Variants in CWF19L1 observed in about 807,000 individuals in gnomAD.
CWF19L1 encodes the protein CWF19 like cell cycle control factor 1.
CWF19L1 carries 60 observed loss-of-function variants against 69.7 expected under a neutral mutation model. That is an observed-to-expected ratio of 0.86 (90% confidence interval 0.70 to 1.07). CWF19L1 has a LOEUF of 1.07. Ranked by LOEUF, CWF19L1 falls within the 50% of genes least tolerant of loss-of-function variation. The probability of loss-of-function intolerance (pLI) is 0.00; values close to 1 mark genes in which losing one functional copy is unlikely to be tolerated. For missense variants in CWF19L1, 591 were observed against 638.9 expected (o/e 0.92, Z 0.81); for synonymous variants, 209 against 222.2 (o/e 0.94, Z 0.53).
intron 5 of CWF19L1, among the ~76,000 whole-genome samples, chr10:100,255,707 G>A (rs901928327): frequency 1.3e-5 from 2 of 150,082 alleles, no homozygotes; most frequent in Admixed American, 6.7e-5. Flanking sequence ...AGGTTGTGGT[G>A]AGCAGAGATG....
At chr10:100,250,155 A>T in intron 7 of CWF19L1, 93 bp downstream of exon 7, 2 of 872,894 alleles carry the variant, frequency 2.3e-6, no homozygotes, top group Non-Finnish European at 3.9e-6. Flanking sequence ...GCAGTCAGGG[A>T]GAAGAGAAGA....
chr10:100,262,713 T>G (rs1847447730), intron 1 of CWF19L1, among the ~76,000 whole-genome samples: 1 of 152,148 alleles, frequency 6.6e-6, no homozygotes, highest in Non-Finnish European at 1.5e-5. Context: ...AAGTAGAAAA[T>G]GGCAAGAGCT....
At chr10:100,248,868 G>T in intron 7 of CWF19L1, 1 of 1,092,056 alleles carries the variant, frequency 9.2e-7, no homozygotes, top group Non-Finnish European at 1.4e-6. Context: ...AAAAGGCTGA[G>T]CAGCAGAAAA....
At chr10:100,266,146 C>A (rs1847574015) in intron 1 of CWF19L1, among the ~76,000 whole-genome samples, 1 of 151,928 alleles carries the variant, frequency 6.6e-6, no homozygotes, top group African/African-American at 2.4e-5. Flanking sequence ...TGCACTCTCC[C>A]AGATTCACGA....
Position 100,238,250 on chromosome 10 carries a change from G to A in CWF19L1, c.1045-19C>T. 1 of 1,610,122 alleles carries A rather than the reference G, an allele frequency of 6.2e-7. No homozygotes were observed. The highest frequency in any genetic ancestry group is 1.1e-5 in the South Asian group (1 of 90,980). On this transcript the variant is annotated intron_variant, in intron 10 of 13. Coordinates refer to ENST00000354105, the MANE Select transcript of CWF19L1 (RefSeq NM_018294.6). The stretch of plus-strand genomic sequence containing the variant: ...GGTAGCACTGAAGAAGCAGCACACA[G>A]AATTGAGACATCAATACAGCATGTA...
intron 1 of CWF19L1, among the ~76,000 whole-genome samples, chr10:100,266,097 C>G (rs117727342): frequency 1.3e-5 from 2 of 152,062 alleles, no homozygotes; most frequent in Admixed American, 6.5e-5. Context: ...TCTCGGGAAG[C>G]CTTCTTGACT....
At position 100,267,630 on chromosome 10, in the gene CWF19L1, A is replaced by G; in HGVS notation, c.-37T>C. Reference sequence around the variant, plus strand: ...GTATGGGTTGCGACTGCCACCTAAAATTGGGAATGCGAATCCGCGCTCCCC... The same window carrying G: ...GTATGGGTTGCGACTGCCACCTAAAGTTGGGAATGCGAATCCGCGCTCCCC... On this transcript the variant is annotated 5_prime_UTR_variant, in exon 1 of 14. Transcript: ENST00000354105. 6.2e-7 allele frequency: 1 copy of G among 1,613,964 alleles called. No homozygotes were observed. The highest frequency in any genetic ancestry group is 8.5e-7 in the Non-Finnish European group (1 of 1,179,840).
chr10:100,237,696 G>A (rs1380009639), intron 11 of CWF19L1, among the ~76,000 whole-genome samples: 1 of 151,800 alleles, frequency 6.6e-6, no homozygotes, highest in Non-Finnish European at 1.5e-5. Flanking sequence ...GCCCAGGCTG[G>A]AGTGCAGTGG....
intron 4 of CWF19L1, among the ~76,000 whole-genome samples, chr10:100,258,905 TAAA>T (rs11369357): frequency 8.2e-6 from 1 of 121,464 alleles, no homozygotes; most frequent in African/African-American, 3.3e-5. Flanking sequence ...TAAATTCAAC[TAAA>T]AAAAAAAAAA....
chr10:100,248,695 TC>T, intron 7 of CWF19L1: 1 of 1,029,046 alleles, frequency 9.7e-7, no homozygotes, highest in Non-Finnish European at 1.5e-6. Context: ...AGAGCTGGTC[TC>T]CAGGCAGATG....
intron 7 of CWF19L1, chr10:100,249,191 A>C: frequency 3.3e-6 from 1 of 302,186 alleles, no homozygotes; most frequent in Non-Finnish European, 6.3e-6. Context: ...GATTGGCTTA[A>C]AGTGAAGGAA....
intron 10 of CWF19L1, among the ~76,000 whole-genome samples, chr10:100,241,595 T>C (rs945994863): frequency 1.3e-5 from 2 of 152,238 alleles, no homozygotes; most frequent in Non-Finnish European, 2.9e-5. Context: ...TATAATAGAA[T>C]ACCACAGACT....
intron 4 of CWF19L1, among the ~76,000 whole-genome samples, chr10:100,259,941 C>T (rs1191126849): frequency 1.3e-5 from 2 of 152,018 alleles, no homozygotes; most frequent in African/African-American, 2.4e-5. Context: ...CCGAGGTGGG[C>T]GGATCACGAG....
intron 3 of CWF19L1, among the ~76,000 whole-genome samples, chr10:100,260,609 G>A (rs1037904785): frequency 5.9e-5 from 9 of 151,462 alleles, no homozygotes; most frequent in South Asian, 2.1e-4. Context: ...TGCAATCTCC[G>A]CCTCCCAGGT....
chr10:100,250,404 C>A, intron 6 of CWF19L1, 72 bp from the exon 7 acceptor site: 2 of 889,534 alleles, frequency 2.2e-6, no homozygotes, highest in Non-Finnish European at 3.7e-6. Flanking sequence ...AATATGTGGA[C>A]TCTATGGGGC....
At position 100,260,269 on chromosome 10, in the gene CWF19L1, A is replaced by G. The variant is rs562017705; in HGVS notation, c.238T>C (p.Tyr80His). 3.7e-5 allele frequency: 60 copies of G among 1,613,094 alleles called. 2 individuals carry two copies. In the South Asian group the frequency reaches 6.2e-4, roughly 17 times the overall value. The change falls in exon 4 of 14, where the codon TAT becomes CAT. Residue 80 changes from tyrosine (Y) to histidine (H), a missense_variant. Around this residue, in one of 3 missense-constraint regions of CWF19L1, gnomAD observed 129 missense variants for 131.3 expected, o/e 0.98. Coordinates refer to ENST00000354105, the MANE Select transcript of CWF19L1 (RefSeq NM_018294.6). ...LGANNQETVK[Y>H]FQDADGCELA... ...TCACATCCATCAGCATCCTGGAAATATTTTACTGTTTCCTGGTTATTAGCA... is the reference window on the plus strand; with the variant it reads ...TCACATCCATCAGCATCCTGGAAATGTTTTACTGTTTCCTGGTTATTAGCA...
chr10:100,256,235 A>G (rs775396410), intron 5 of CWF19L1, 27 bp downstream of exon 5: 1 of 1,588,322 alleles, frequency 6.3e-7, no homozygotes, highest in Non-Finnish European at 8.6e-7. Flanking sequence ...TGCTTTTAGA[A>G]ATTCCAACTA....
At chr10:100,255,607 CA>C (rs1345098093) in intron 5 of CWF19L1, among the ~76,000 whole-genome samples, 7 of 151,942 alleles carry the variant, frequency 4.6e-5, no homozygotes, top group Admixed American at 1.3e-4. Flanking sequence ...TAATAAAATA[CA>C]AAAAATTAGC....
At chr10:100,242,495 G>A (rs1846669085) in intron 10 of CWF19L1, among the ~76,000 whole-genome samples, 1 of 152,152 alleles carries the variant, frequency 6.6e-6, no homozygotes, top group Non-Finnish European at 1.5e-5. Context: ...CCAGCAGGGT[G>A]AAACCCTGTC....
Sources: gnomAD v4.1 joint callset for allele counts (sites outside exome capture counted in the v4.1 genomes callset) on GRCh38, gnomAD v4.1.1 for gene constraint, gnomAD v4.1.1 regional missense constraint, MANE v1.5 for transcripts, NCBI Gene and HGNC (gene_info 2026-07-23, HGNC 2026-07-21) for gene names.